HGF: variants seen among roughly 807,000 people sequenced by gnomAD.
The protein encoded by HGF is fibroblast-derived tumor cytotoxic factor.
HGF carries 39 observed loss-of-function variants against 111.6 expected under a neutral mutation model. That is an observed-to-expected ratio of 0.35 (90% CI 0.27 to 0.46). The LOEUF is 0.46. HGF is among the 20% of genes least tolerant of loss of function. The probability of loss-of-function intolerance (pLI) is 1.00; values close to 1 mark genes in which losing one functional copy is unlikely to be tolerated. For missense variants in HGF, 735 were observed against 910.5 expected, an observed-to-expected ratio of 0.81 and a Z score of 2.48; for synonymous variants, 285 against 294.8, an observed-to-expected ratio of 0.97 and a Z score of 0.34.
chr7:81,733,430 G>A lies in HGF; in HGVS notation c.866-3651C>T, dbSNP rs532563984. 2.6e-5 allele frequency among the ~76,000 whole-genome samples: 4 copies of A among 151,804 alleles called. No homozygotes were observed. The South Asian group carries it at 8.3e-4, about 32-fold the overall frequency. ...ATAAATATCCATAACTTTAAAATGTGTATAACTCTAACAACTTAATAGTTT... is the reference window on the plus strand; with the variant it reads ...ATAAATATCCATAACTTTAAAATGTATATAACTCTAACAACTTAATAGTTT... On this transcript the variant is annotated intron_variant, in intron 7 of 17. Coordinates refer to ENST00000222390, the MANE Select transcript of HGF (RefSeq NM_000601.6).
intron 6 of HGF, 129 bp from the exon 7 acceptor site, chr7:81,743,600 T>C: frequency 2.7e-6 from 2 of 753,762 alleles, no homozygotes; most frequent in Non-Finnish European, 4.9e-6. Flanking sequence ...TTTCTATGTT[T>C]TGCCTTACGA....
rs1347279266 is a variant in HGF at position 81,699,117 on chromosome 7, C to T, written c.*3464G>A. The T allele has an allele frequency of 2.0e-5, 3 of 151,160 alleles. No individual in the cohort carries two copies. The highest frequency in any genetic ancestry group is 6.6e-5 in the Admixed American group (1 of 15,112). 9.4% of individuals were successfully genotyped at this position (151,160 alleles called of 1,614,324 possible). Reference sequence around the variant, plus strand: ...ATACAAGTCATAACCACAGTGTTCCCTTTTTTGGGTAAGCATACAGCTATA... The same window carrying T: ...ATACAAGTCATAACCACAGTGTTCCTTTTTTTGGGTAAGCATACAGCTATA... On this transcript the variant is annotated 3_prime_UTR_variant, in exon 18 of 18. Coordinates refer to ENST00000222390, the MANE Select transcript of HGF (RefSeq NM_000601.6).
At chr7:81,747,054 T>C (rs1788286800) in intron 5 of HGF, among the ~76,000 whole-genome samples, 1 of 152,256 alleles carries the variant, frequency 6.6e-6, no homozygotes, top group Middle Eastern at 3.4e-3. Flanking sequence ...TTATAAAAGT[T>C]CTGGCCAGGC....
intron 7 of HGF, among the ~76,000 whole-genome samples, chr7:81,740,871 C>A (rs1787976911): frequency 6.6e-6 from 1 of 152,102 alleles, no homozygotes. Flanking sequence ...TAGCAAGGAG[C>A]CTGCCTGAGT....
intron 7 of HGF, 115 bp downstream of exon 7, chr7:81,743,238 C>T: frequency 1.2e-6 from 1 of 802,212 alleles, no homozygotes; most frequent in East Asian, 2.4e-5. Flanking sequence ...AATATTAAAA[C>T]CTGCACACAT....
chr7:81,756,135 G>T (rs1028007828), intron 4 of HGF: 3 of 686,688 alleles, frequency 4.4e-6, no homozygotes, highest in African/African-American at 1.8e-5. Flanking sequence ...TGTTAAAAGC[G>T]CAGGTTATAG....
chr7:81,748,577 G>A (rs978749614), intron 5 of HGF, among the ~76,000 whole-genome samples: 2 of 152,108 alleles, frequency 1.3e-5, no homozygotes, highest in East Asian at 1.9e-4. Flanking sequence ...ACATATAAAC[G>A]ATGTAACAGT....
At chr7:81,751,391 G>T (rs1298808826) in intron 5 of HGF, 1 of 985,092 alleles carries the variant, frequency 1.0e-6, no homozygotes, top group Non-Finnish European at 1.2e-6. Flanking sequence ...ATGCTGAAAT[G>T]GTTACTCTTC....
chr7:81,722,238 T>C (rs2115879788), intron 9 of HGF, among the ~76,000 whole-genome samples: 1 of 152,154 alleles, frequency 6.6e-6, no homozygotes, highest in African/African-American at 2.4e-5. Context: ...TGAGGTTTTC[T>C]ATTTCTCTTT....
At chr7:81,738,358 A>G (rs1175124681) in intron 7 of HGF, among the ~76,000 whole-genome samples, 2 of 152,158 alleles carry the variant, frequency 1.3e-5, no homozygotes, top group Non-Finnish European at 2.9e-5. Context: ...AAAAATCAGT[A>G]CTTCATTCAA....
chr7:81,736,838 T>A, intron 7 of HGF: 1 of 439,278 alleles, frequency 2.3e-6, no homozygotes, highest in Non-Finnish European at 4.5e-6. Flanking sequence ...TTATGTTTTG[T>A]CATTGCCCTA....
rs2116240691 is a variant in HGF at position 81,762,828 on chromosome 7, AT to A, written c.132del (p.Lys44AsnfsTer7). 1.3e-6 allele frequency: 2 copies of A among 1,594,700 alleles called. No individual in the cohort carries two copies. Among genetic ancestry groups the A allele is most frequent in the Non-Finnish European group, 1.7e-6 (2 of 1,162,600 alleles). ...ATTTTGATTAGGGTAGTCTTTGCTG[AT>A]TTTTTGAATTCATGAATTGTATTTC... ...KRRNTIHEFK[K>X]SAKTTLIKID... On this transcript the variant is annotated frameshift_variant, in exon 2 of 18. Coordinates refer to ENST00000222390, the MANE Select transcript of HGF (RefSeq NM_000601.6). LOFTEE classifies it high-confidence loss of function.
Position 81,770,019 on chromosome 7 carries a change from T to G in HGF, c.-48A>C. The G allele has an allele frequency of 7.2e-7, 1 of 1,392,838 alleles. No homozygotes were observed. Among genetic ancestry groups the G allele is most frequent in the Non-Finnish European group, 9.9e-7 (1 of 1,005,958 alleles). The allele number at this position is 1,392,838 out of a possible 1,614,324, so 86.3% of individuals were successfully genotyped here. A position where few individuals can be genotyped will look rare whatever the true frequency, so the allele number is the denominator to read the frequency against. On this transcript the variant is annotated 5_prime_UTR_variant, in exon 1 of 18. Transcript: ENST00000222390. ...GATCCCTCTGGAGGAGATGCCTGGGTGAAAGAATCCTGTTCGGAGTCAGTG... is the reference window on the plus strand; with the variant it reads ...GATCCCTCTGGAGGAGATGCCTGGGGGAAAGAATCCTGTTCGGAGTCAGTG...
At chr7:81,711,063 G>C (rs1343426667) in intron 12 of HGF, among the ~76,000 whole-genome samples, 2 of 152,172 alleles carry the variant, frequency 1.3e-5, no homozygotes, top group Admixed American at 1.3e-4. Flanking sequence ...TGTAGGGCAT[G>C]CAGAGAAGTT....
At chr7:81,741,503 G>A (rs1289210993) in intron 7 of HGF, among the ~76,000 whole-genome samples, 1 of 151,906 alleles carries the variant, frequency 6.6e-6, no homozygotes, top group East Asian at 1.9e-4. Flanking sequence ...AACTGAAGAG[G>A]AGGGCAACAT....
intron 4 of HGF, chr7:81,755,934 C>T: frequency 1.5e-6 from 1 of 689,360 alleles, no homozygotes; most frequent in Non-Finnish European, 2.6e-6. Flanking sequence ...TGTGGAGCAA[C>T]AAACTCTTTT....
chr7:81,734,462 T>C (rs1211344156), intron 7 of HGF, among the ~76,000 whole-genome samples: 1 of 152,178 alleles, frequency 6.6e-6, no homozygotes, highest in Non-Finnish European at 1.5e-5. Flanking sequence ...GGAACATTAA[T>C]TTCACTTTGC....
intron 5 of HGF, among the ~76,000 whole-genome samples, chr7:81,747,682 T>A (rs1013130698): frequency 6.6e-6 from 1 of 152,198 alleles, no homozygotes. Context: ...TACCATACTT[T>A]TAACATAAAA....
At chr7:81,728,051 G>T (rs1790066040) in intron 8 of HGF, among the ~76,000 whole-genome samples, 1 of 152,102 alleles carries the variant, frequency 6.6e-6, no homozygotes, top group Non-Finnish European at 1.5e-5. Context: ...TCAGTACTGG[G>T]GCAAGTGGGC....
Sources: allele counts gnomAD v4.1 joint callset (sites outside exome capture counted in the v4.1 genomes callset), GRCh38; gene constraint gnomAD v4.1.1; transcripts MANE v1.5; gene names NCBI Gene and HGNC (gene_info 2026-07-23, HGNC 2026-07-21).